UIMC1: variants seen among roughly 807,000 people sequenced by gnomAD.
UIMC1 encodes the protein BRCA1-A complex subunit RAP80.
Under a neutral mutation model 84.9 loss-of-function variants are expected in UIMC1, and 42 were observed. The ratio of observed to expected loss-of-function variants is 0.49; its 90% CI spans 0.39 to 0.64. UIMC1 has a LOEUF of 0.64. UIMC1 is among the 30% of genes least tolerant of loss of function. UIMC1 has a pLI of 0.00. For synonymous variants in UIMC1, 281 were observed against 293.0 expected (o/e 0.96, Z 0.42); for missense variants, 825 against 847.6 (o/e 0.97, Z 0.33).
At chr5:176,948,893 C>CTA (rs752600629) in intron 9 of UIMC1, among the ~76,000 whole-genome samples, 41 of 152,274 alleles carry the variant, frequency 2.7e-4, no homozygotes, top group Non-Finnish European at 5.0e-4. Context: ...ACCCTTTATA[C>CTA]TATCTTTGTG....
At chr5:176,966,663 C>G (rs1256062106) in intron 6 of UIMC1, among the ~76,000 whole-genome samples, 1 of 152,028 alleles carries the variant, frequency 6.6e-6, no homozygotes, top group Non-Finnish European at 1.5e-5. Context: ...ACAATATAAT[C>G]TAGCTACTTC....
intron 1 of UIMC1, among the ~76,000 whole-genome samples, chr5:177,005,458 A>G (rs1775120968): frequency 1.3e-5 from 2 of 152,116 alleles, no homozygotes; most frequent in African/African-American, 4.8e-5. Context: ...ACACGCATAC[A>G]TCCCTGATAC....
rs760142664 is a variant in UIMC1 at position 176,975,394 on chromosome 5, A to AT, written c.232+1_232+2insA. 2 of 1,613,688 alleles carry AT rather than the reference A, an allele frequency of 1.2e-6. No homozygotes were observed. The highest frequency in any genetic ancestry group is 1.7e-5 in the Admixed American group (1 of 59,976). ...ACCATTATCAACAAAATGAAAACATACGTGCGATTTTTCTTTTGGCCAAAC... is the reference window on the plus strand; with the variant it reads ...ACCATTATCAACAAAATGAAAACATATCGTGCGATTTTTCTTTTGGCCAAAC... On this transcript the variant is annotated splice_donor_variant, in intron 3 of 14. Coordinates refer to ENST00000511320, the MANE Select transcript of UIMC1 (RefSeq NM_001199298.2). LOFTEE classifies it high-confidence loss of function.
At chr5:176,995,516 G>A (rs1196030311) in intron 1 of UIMC1, among the ~76,000 whole-genome samples, 2 of 115,650 alleles carry the variant, frequency 1.7e-5, no homozygotes, top group African/African-American at 3.6e-5. Flanking sequence ...CAGACTGGGT[G>A]ACAGAGAAAG....
At chr5:176,915,871 T>C (rs975272867) in intron 10 of UIMC1, among the ~76,000 whole-genome samples, 5 of 150,388 alleles carry the variant, frequency 3.3e-5, no homozygotes, top group African/African-American at 1.2e-4. Context: ...TATGTTCTTC[T>C]ACAAGAGCAG....
intron 10 of UIMC1, among the ~76,000 whole-genome samples, chr5:176,927,642 G>A (rs1416299519): frequency 2.0e-5 from 3 of 152,048 alleles, no homozygotes; most frequent in African/African-American, 7.2e-5. Context: ...GTATGGATGA[G>A]GTGGGTGGTC....
chr5:176,987,023 T>C (rs1419345767), intron 1 of UIMC1, among the ~76,000 whole-genome samples: 80 of 151,504 alleles, frequency 5.3e-4, no homozygotes, highest in African/African-American at 1.9e-3. Flanking sequence ...AGTTTGAGAC[T>C]AGCCTGGCCA....
chr5:176,947,745 G>C (rs1765321781), intron 9 of UIMC1, among the ~76,000 whole-genome samples: 1 of 151,868 alleles, frequency 6.6e-6, no homozygotes, highest in African/African-American at 2.4e-5. Flanking sequence ...GTGAACCCGG[G>C]AGGTGGAGCT....
chr5:176,926,156 T>G (rs1408544169), intron 10 of UIMC1, among the ~76,000 whole-genome samples: 1 of 152,028 alleles, frequency 6.6e-6, no homozygotes, highest in Non-Finnish European at 1.5e-5. Context: ...AATAAAGAGA[T>G]ATGACTAGAT....
rs1212923106 is a variant in UIMC1, at chr5:176,943,335, C to T, written c.1597G>A (p.Val533Ile). The T allele has an allele frequency of 6.2e-7, 1 of 1,613,492 alleles. No homozygotes were observed. Among genetic ancestry groups the T allele is most frequent in the Admixed American group, 1.7e-5 (1 of 59,952 alleles). ...TTTGGCTGTCCTGCTGGGTCTTTAC[C>T]TGTATCTTCCTCCATCAGACCATTG... ...YCNGLMEEDTVLTRRQKEAKT... is the reference protein window; with the variant it reads ...YCNGLMEEDTILTRRQKEAKT... Residue 533 changes from valine (V) to isoleucine (I), a missense_variant and splice_region_variant, in exon 10 of 15, where the codon GTA becomes ATA. By Grantham distance (29) the Val-to-Ile change is conservative. Coordinates refer to ENST00000511320, the MANE Select transcript of UIMC1 (RefSeq NM_001199298.2).
chr5:176,989,259 A>G (rs991072165), intron 1 of UIMC1, among the ~76,000 whole-genome samples: 2 of 152,204 alleles, frequency 1.3e-5, no homozygotes, highest in African/African-American at 4.8e-5. Context: ...ACACACACAG[A>G]TGCTTACAAT....
chr5:176,996,377 A>G (rs1773616139), intron 1 of UIMC1, among the ~76,000 whole-genome samples: 1 of 152,174 alleles, frequency 6.6e-6, no homozygotes, highest in Non-Finnish European at 1.5e-5. Context: ...ACACAGTTAT[A>G]TACCTTGATG....
intron 1 of UIMC1, among the ~76,000 whole-genome samples, chr5:177,003,192 T>C (rs1293865275): frequency 2.0e-5 from 3 of 152,044 alleles, no homozygotes; most frequent in African/African-American, 7.2e-5. Context: ...AATAGGTAAA[T>C]GCATACCCAC....
chr5:177,003,741 T>C (rs1039305901), intron 1 of UIMC1, among the ~76,000 whole-genome samples: 1 of 152,080 alleles, frequency 6.6e-6, no homozygotes, highest in Non-Finnish European at 1.5e-5. Context: ...GCAGCAGAGA[T>C]GAGTATGGGG....
At chr5:176,907,879 T>C (rs1362264010) in intron 12 of UIMC1, among the ~76,000 whole-genome samples, 1 of 152,214 alleles carries the variant, frequency 6.6e-6, no homozygotes, top group Non-Finnish European at 1.5e-5. Context: ...AAATGTATTC[T>C]AAGGAAATAA....
At chr5:176,998,439 C>G (rs1773954334) in intron 1 of UIMC1, among the ~76,000 whole-genome samples, 1 of 124,270 alleles carries the variant, frequency 8.0e-6, no homozygotes, top group South Asian at 2.5e-4. Flanking sequence ...TGCACTCCAG[C>G]CTGGACGACA....
At position 176,908,648 on chromosome 5, in the gene UIMC1, A is replaced by ACT. The variant is rs753611183; in HGVS notation, c.1721_1722dup (p.Tyr575SerfsTer39). ...AGACAGGAGTCCACATGACACTGAT[A>ACT]CTCTCTAAATGGGACCAGGGATTTA... On this transcript the variant is annotated frameshift_variant, in exon 12 of 15. Transcript: ENST00000511320. LOFTEE classifies it high-confidence loss of function. 1 of 1,614,136 alleles carries ACT rather than the reference A, an allele frequency of 6.2e-7. No homozygotes were observed. Among genetic ancestry groups the ACT allele is most frequent in the South Asian group, 1.1e-5 (1 of 91,090 alleles).
At chr5:176,954,862 T>A (rs1164982396) in intron 8 of UIMC1, among the ~76,000 whole-genome samples, 1 of 151,974 alleles carries the variant, frequency 6.6e-6, no homozygotes, top group Non-Finnish European at 1.5e-5. Flanking sequence ...CTAGATTACA[T>A]GCAAACTAAG....
intron 9 of UIMC1, among the ~76,000 whole-genome samples, chr5:176,950,090 A>G (rs974739229): frequency 1.4e-3 from 202 of 146,406 alleles, no homozygotes; most frequent in African/African-American, 5.0e-3. Context: ...GAATATAAAA[A>G]GGAACCTTTC....
Sources: gnomAD v4.1 joint callset for allele counts (sites outside exome capture counted in the v4.1 genomes callset) on GRCh38, gnomAD v4.1.1 for gene constraint, MANE v1.5 for transcripts, NCBI Gene and HGNC (gene_info 2026-07-23, HGNC 2026-07-21) for gene names.